PARN: variants seen among roughly 807,000 people sequenced by gnomAD.
PARN encodes poly(A)-specific ribonuclease, also known as poly(A)-specific ribonuclease PARN.
PARN carries 71 observed loss-of-function variants against 102.8 expected under a neutral mutation model. The ratio of observed to expected loss-of-function variants is 0.69; its 90% CI spans 0.57 to 0.84. PARN has a LOEUF of 0.84. Ranked by LOEUF, PARN falls within the 40% of genes least tolerant of loss-of-function variation. PARN has a pLI of 0.00. For missense variants in PARN, 782 were observed against 760.9 expected (o/e 1.03, Z -0.33); for synonymous variants, 261 against 252.9 (o/e 1.03, Z -0.30).
chr16:14,604,212 T>C lies in PARN; in HGVS notation c.717A>G (p.Ile239Met). The change falls in exon 11 of 24, where the codon ATA (isoleucine) becomes ATG (methionine). Residue 239 changes from isoleucine (I) to methionine (M), a missense_variant. By Grantham distance (10) the Ile-to-Met change is conservative. Transcript: ENST00000437198. ...CTTCTTCATCTACTTTGCTGATAAC[T>C]ATATATCGCTCCTTCTAAAAGACAT... ...TLETEKKERY[I>M]VISKVDEEER... is the part of the protein sequence containing the mutation. The C allele has an allele frequency of 6.3e-7, 1 of 1,587,518 alleles. No individual in the cohort carries two copies.
rs76620808 is a variant in PARN at position 14,563,372 on chromosome 16, C to A, written c.1263-7663G>T. Among the ~76,000 whole-genome samples the A allele has an allele frequency of 1.7e-4, 26 of 152,180 alleles. No individual in the cohort carries two copies. In the East Asian group the frequency reaches 4.1e-3, roughly 24 times the overall value. On this transcript the variant is annotated intron_variant, in intron 18 of 23. Coordinates refer to ENST00000437198, the MANE Select transcript of PARN (RefSeq NM_002582.4). ...AGCATGTACTGACAAGAGCTCCAGC[C>A]ACGAAGGAAGGTTGTGAGTGTACCA...
chr16:14,487,067 C>A lies in PARN; in HGVS notation c.1481-4240G>T, dbSNP rs554160299. The stretch of plus-strand genomic sequence containing the variant: ...TGGTCCAGTCTGATCCCAACCGGCC[C>A]ACCCGGGGCATCCGGTGGAAGTCTT... On this transcript the variant is annotated intron_variant, in intron 21 of 23. Transcript: ENST00000437198. Among the ~76,000 whole-genome samples, 5 of 152,362 alleles carry A rather than the reference C, an allele frequency of 3.3e-5. No homozygotes were observed. In the South Asian group the frequency reaches 1.0e-3, roughly 32 times the overall value.
chr16:14,614,301 G>C (rs969515160), intron 6 of PARN, among the ~76,000 whole-genome samples: 2 of 151,822 alleles, frequency 1.3e-5, no homozygotes, highest in African/African-American at 2.4e-5. Flanking sequence ...TGCAGTTTTT[G>C]ACCCTAAGAC....
chr16:14,516,461 TA>T (rs1173919155), intron 21 of PARN, among the ~76,000 whole-genome samples: 7 of 150,802 alleles, frequency 4.6e-5, no homozygotes, highest in African/African-American at 7.3e-5. Context: ...CTAGGAGACT[TA>T]AAAAAAAATT....
intron 21 of PARN, among the ~76,000 whole-genome samples, chr16:14,496,182 G>T (rs1056179307): frequency 6.6e-6 from 1 of 152,234 alleles, no homozygotes; most frequent in African/African-American, 2.4e-5. Context: ...CAGCAGGGCT[G>T]GGGTGTGAAG....
chr16:14,508,003 T>A (rs912316597), intron 21 of PARN, among the ~76,000 whole-genome samples: 3 of 152,208 alleles, frequency 2.0e-5, no homozygotes, highest in Admixed American at 6.5e-5. Context: ...CATAAAATAA[T>A]GAAAATGATA....
intron 5 of PARN, among the ~76,000 whole-genome samples, chr16:14,621,187 C>T (rs911812794): frequency 2.0e-5 from 3 of 152,186 alleles, no homozygotes; most frequent in Non-Finnish European, 2.9e-5. Context: ...TTTGATTGGT[C>T]TGTGGGCTTC....
intron 5 of PARN, among the ~76,000 whole-genome samples, chr16:14,620,893 G>A (rs551515100): frequency 3.9e-5 from 6 of 152,204 alleles, no homozygotes; most frequent in African/African-American, 1.4e-4. Context: ...TCATACCATA[G>A]TGATTGTATC....
intron 6 of PARN, among the ~76,000 whole-genome samples, chr16:14,616,852 A>G (rs1971933772): frequency 6.6e-6 from 1 of 152,178 alleles, no homozygotes; most frequent in Non-Finnish European, 1.5e-5. Context: ...TTTTCATTAC[A>G]GCATCAGTGG....
intron 2 of PARN, among the ~76,000 whole-genome samples, chr16:14,628,796 T>A (rs1051707460): frequency 6.6e-6 from 1 of 152,138 alleles, no homozygotes; most frequent in Non-Finnish European, 1.5e-5. Context: ...GATTCAAACA[T>A]GGAAAATCAG....
At chr16:14,560,773 C>T (rs896717863) in intron 18 of PARN, among the ~76,000 whole-genome samples, 1 of 152,226 alleles carries the variant, frequency 6.6e-6, no homozygotes, top group African/African-American at 2.4e-5. Context: ...TACACAATAC[C>T]TTTAGCTCCA....
chr16:14,498,276 G>A (rs902035461), intron 21 of PARN, among the ~76,000 whole-genome samples: 5 of 152,176 alleles, frequency 3.3e-5, no homozygotes, highest in African/African-American at 4.8e-5. Flanking sequence ...TGCGAGGTGA[G>A]TCATGGCCCC....
At chr16:14,537,963 C>CTATAA (rs1275143186) in intron 21 of PARN, among the ~76,000 whole-genome samples, 6 of 152,110 alleles carry the variant, frequency 3.9e-5, no homozygotes, top group African/African-American at 1.4e-4. Context: ...CAACACAAAA[C>CTATAA]TATAATACAT....
intron 11 of PARN, among the ~76,000 whole-genome samples, chr16:14,602,864 C>T (rs1381297930): frequency 6.6e-6 from 1 of 151,994 alleles, no homozygotes; most frequent in Non-Finnish European, 1.5e-5. Context: ...GAGCTGCAGC[C>T]TAGAACTCAT....
At chr16:14,469,286 C>T (rs184521773) in intron 22 of PARN, among the ~76,000 whole-genome samples, 3 of 152,210 alleles carry the variant, frequency 2.0e-5, no homozygotes, top group Admixed American at 6.5e-5. Flanking sequence ...GAGCCAAGAT[C>T]GCACCACTGC....
intron 13 of PARN, among the ~76,000 whole-genome samples, chr16:14,589,516 G>T (rs142233709): frequency 6.6e-6 from 1 of 151,862 alleles, no homozygotes; most frequent in Non-Finnish European, 1.5e-5. Flanking sequence ...AGTGAGCCAA[G>T]ATGGCGCCAC....
Position 14,610,717 on chromosome 16 carries a change from A to C in PARN, c.481T>G (p.Tyr161Asp), listed in dbSNP as rs2034748115. ...SQANGAGALS[Y>D]VSPNTSKCPV... ...CATTTTGAAGTGTTAGGAGATACAT[A>C]GGACAGAGCTCCTGCACCATTCGCC... The change falls in exon 7 of 24, where the codon TAT (tyrosine) becomes GAT (aspartate). Residue 161 changes from tyrosine to aspartate, a missense_variant. Transcript: ENST00000437198. The C allele has an allele frequency of 1.9e-6, 3 of 1,605,160 alleles. No homozygotes were observed. The highest frequency in any genetic ancestry group is 2.6e-6 in the Non-Finnish European group (3 of 1,171,818).
At chr16:14,603,382 A>G (rs1596824969) in intron 11 of PARN, among the ~76,000 whole-genome samples, 1 of 152,108 alleles carries the variant, frequency 6.6e-6, no homozygotes, top group East Asian at 1.9e-4. Context: ...ACCCTGCCTA[A>G]TGTACATATG....
chr16:14,518,892 T>A (rs1424056532), intron 21 of PARN, among the ~76,000 whole-genome samples: 1 of 152,074 alleles, frequency 6.6e-6, no homozygotes, highest in Non-Finnish European at 1.5e-5. Context: ...ACTGGGGGCA[T>A]AAGCTCACAG....
Sources: gnomAD v4.1 joint callset for allele counts (sites outside exome capture counted in the v4.1 genomes callset) on GRCh38, gnomAD v4.1.1 for gene constraint, MANE v1.5 for transcripts, NCBI Gene and HGNC (gene_info 2026-07-23, HGNC 2026-07-21) for gene names.